The following DGKB variants were observed in gnomAD, a reference collection of about 807,000 sequenced individuals.
DGKB encodes 90 kDa diacylglycerol kinase.
A neutral mutation model predicts 114.3 loss-of-function variants in DGKB; 67 were observed. The observed-to-expected ratio is 0.59, with a 90% CI of 0.48 to 0.72. DGKB has a LOEUF of 0.72. Among genes scored for constraint, DGKB ranks in the 30% least tolerant of loss-of-function variants. The probability of loss-of-function intolerance (pLI) is 0.00; values close to 1 mark genes in which losing one functional copy is unlikely to be tolerated. For synonymous variants in DGKB, 398 were observed against 323.1 expected (o/e 1.23, Z -2.49); for missense variants, 907 against 975.2 (o/e 0.93, Z 0.93).
intron 20 of DGKB, among the ~76,000 whole-genome samples, chr7:14,541,157 AAG>A (rs1793376739): frequency 6.6e-6 from 1 of 152,040 alleles, no homozygotes. Flanking sequence ...GCCATGTCCA[AAG>A]ATCTGTGGGA....
At chr7:14,739,150 T>C (rs1832168307) in intron 4 of DGKB, among the ~76,000 whole-genome samples, 1 of 152,134 alleles carries the variant, frequency 6.6e-6, no homozygotes. Context: ...AAAAATGAAC[T>C]TTAATATCTA....
At chr7:14,255,361 A>G (rs1021299576) in intron 23 of DGKB, among the ~76,000 whole-genome samples, 1 of 152,216 alleles carries the variant, frequency 6.6e-6, no homozygotes, top group Non-Finnish European at 1.5e-5. Flanking sequence ...AGCAGAGTCA[A>G]TATGTGTATA....
intron 2 of DGKB, among the ~76,000 whole-genome samples, chr7:14,803,327 T>C (rs1327953161): frequency 6.6e-6 from 1 of 152,186 alleles, no homozygotes; most frequent in Non-Finnish European, 1.5e-5. Context: ...GATACAAGGA[T>C]AAAACCCTCT....
chr7:14,171,688 G>C (rs1055871899), intron 25 of DGKB, among the ~76,000 whole-genome samples: 1 of 152,142 alleles, frequency 6.6e-6, no homozygotes, highest in African/African-American at 2.4e-5. Flanking sequence ...ACTTTTACAT[G>C]TATTTATATA....
intron 21 of DGKB, among the ~76,000 whole-genome samples, chr7:14,411,447 A>T (rs12537636): frequency 0.75 from 114,288 of 152,098 alleles, 43,553 homozygotes; most frequent in Middle Eastern, 0.83. Flanking sequence ...CTATAAATTA[A>T]TATAAAATCT....
chr7:14,627,868 G>C (rs868736220), intron 14 of DGKB, among the ~76,000 whole-genome samples: 1 of 151,690 alleles, frequency 6.6e-6, no homozygotes, highest in East Asian at 1.9e-4. Flanking sequence ...GCTTGAACCC[G>C]TGAGGCAGAG....
chr7:14,729,314 A>AGGG (rs1830555872), intron 5 of DGKB, among the ~76,000 whole-genome samples: 1 of 149,752 alleles, frequency 6.7e-6, no homozygotes, highest in African/African-American at 2.5e-5. Context: ...AGTAGAGACC[A>AGGG]GGTTTCACCG....
intron 21 of DGKB, among the ~76,000 whole-genome samples, chr7:14,345,875 G>T (rs983569952): frequency 6.6e-6 from 1 of 151,136 alleles, no homozygotes; most frequent in Admixed American, 6.6e-5. Flanking sequence ...TAAAGTAAAA[G>T]ACTCAAAATT....
In DGKB at chr7:14,197,438, T is replaced by G. The variant is rs1785189568; in HGVS notation, c.2123-19287A>C. Among the ~76,000 whole-genome samples the G allele has an allele frequency of 2.0e-5, 3 of 152,072 alleles. No individual in the cohort carries two copies. In the South Asian group the frequency reaches 6.2e-4, roughly 31 times the overall value. ...CCTCTCTGTTTTTATCAAATTTGAT[T>G]GCTGCAGCTGTTCCCAGTTTCTGTA... On this transcript the variant is annotated intron_variant, in intron 23 of 25. Coordinates refer to ENST00000402815, the MANE Select transcript of DGKB (RefSeq NM_001350709.2).
chr7:14,388,730 G>A lies in DGKB; in HGVS notation c.1836-43339C>T, dbSNP rs546443950. Among the ~76,000 whole-genome samples the A allele has an allele frequency of 9.9e-5, 15 of 152,084 alleles. No homozygotes were observed. The South Asian group carries it at 3.1e-3, about 32-fold the overall frequency. The stretch of plus-strand genomic sequence containing the variant: ...AATAGAGTTTTAAAAATTCTTTCAG[G>A]AAGATGGAGAAAAAAGAAGACTGAC... On this transcript the variant is annotated intron_variant, in intron 21 of 25. Transcript: ENST00000402815.
At chr7:14,393,988 A>T (rs1821844784) in intron 21 of DGKB, among the ~76,000 whole-genome samples, 1 of 152,162 alleles carries the variant, frequency 6.6e-6, no homozygotes, top group Non-Finnish European at 1.5e-5. Flanking sequence ...TTAAAAAGAA[A>T]AAAAAAAAGT....
chr7:14,584,419 T>A (rs1243618865), intron 17 of DGKB, among the ~76,000 whole-genome samples: 1 of 152,158 alleles, frequency 6.6e-6, no homozygotes, highest in Non-Finnish European at 1.5e-5. Flanking sequence ...GCTCCCACTG[T>A]CAAATATGCA....
intron 20 of DGKB, among the ~76,000 whole-genome samples, chr7:14,529,505 A>G (rs1465770687): frequency 6.6e-6 from 1 of 151,876 alleles, no homozygotes; most frequent in Admixed American, 6.6e-5. Flanking sequence ...TTATAATAAT[A>G]TTTTGTACAT....
At chr7:14,344,028 T>C (rs536808348) in intron 22 of DGKB, among the ~76,000 whole-genome samples, 1 of 148,348 alleles carries the variant, frequency 6.7e-6, no homozygotes. Flanking sequence ...ATAACTGTAG[T>C]ACATATACAA....
Position 14,381,895 on chromosome 7 carries a change from G to T in DGKB, c.1836-36504C>A, listed in dbSNP as rs75379287. On this transcript the variant is annotated intron_variant, in intron 21 of 25. Transcript: ENST00000402815. Reference sequence around the variant, plus strand: ...TCAGTTTCCATCTGTACTTAAGGAGGAATAGCACCCAAACTCAGCAAGCAA... The same window carrying T: ...TCAGTTTCCATCTGTACTTAAGGAGTAATAGCACCCAAACTCAGCAAGCAA... Among the ~76,000 whole-genome samples, 245 of 152,300 alleles carry T rather than the reference G, an allele frequency of 1.6e-3. 1 individual carries two copies. Among genetic ancestry groups the T allele is most frequent in the African/African-American group, 5.6e-3 (233 of 41,574 alleles).
intron 21 of DGKB, among the ~76,000 whole-genome samples, chr7:14,433,387 G>A (rs1828766206): frequency 6.6e-6 from 1 of 152,060 alleles, no homozygotes; most frequent in South Asian, 2.1e-4. Context: ...AACTTGACCA[G>A]AAATAATAGG....
chr7:14,150,165 A>G (rs558207156), intron 25 of DGKB, among the ~76,000 whole-genome samples: 2 of 152,270 alleles, frequency 1.3e-5, no homozygotes, highest in Non-Finnish European at 1.5e-5. Context: ...AGAGTTTTTC[A>G]AAAGCAATCT....
chr7:14,939,222 T>C (rs1439168336), intron 1 of DGKB, among the ~76,000 whole-genome samples: 1 of 152,190 alleles, frequency 6.6e-6, no homozygotes. Flanking sequence ...AAAATGAATT[T>C]CTTATTGTAT....
At chr7:14,376,837 T>C (rs1818559522) in intron 21 of DGKB, among the ~76,000 whole-genome samples, 1 of 152,154 alleles carries the variant, frequency 6.6e-6, no homozygotes, top group East Asian at 1.9e-4. Context: ...CAAATTGTAA[T>C]CTTGTTCCTC....
Sources: gnomAD v4.1 joint callset for allele counts (sites outside exome capture counted in the v4.1 genomes callset) on GRCh38, gnomAD v4.1.1 for gene constraint, MANE v1.5 for transcripts, NCBI Gene and HGNC (gene_info 2026-07-23, HGNC 2026-07-21) for gene names.